JHY: variants seen among roughly 807,000 people sequenced by gnomAD.
The protein encoded by JHY is junctional cadherin complex regulator.
In JHY, 69 loss-of-function variants were observed where a neutral mutation model predicts 78.0. The ratio of observed to expected loss-of-function variants is 0.88; its 90% CI spans 0.73 to 1.08. The LOEUF is 1.08. Among genes scored for constraint, JHY ranks in the 50% least tolerant of loss-of-function variants. The pLI, the probability that JHY is intolerant of heterozygous loss-of-function variation, is 0.00. For synonymous variants in JHY, 368 were observed against 342.6 expected (o/e 1.07, Z -0.82); for missense variants, 944 against 927.8 (o/e 1.02, Z -0.23).
chr11:122,897,283 G>C (rs115582571), intron 2 of JHY, among the ~76,000 whole-genome samples: 2,579 of 151,992 alleles, frequency 0.017, 73 homozygotes, highest in African/African-American at 0.059. Context: ...GGAGTGCAGT[G>C]GCACAGTCAT....
chr11:122,958,002 AGTT>A (rs1326520440), intron 8 of JHY, among the ~76,000 whole-genome samples: 3 of 152,214 alleles, frequency 2.0e-5, no homozygotes, highest in Non-Finnish European at 4.4e-5. Flanking sequence ...GCTTTAAGGC[AGTT>A]GTTGTCTTCT....
Position 122,957,460 on chromosome 11 carries a change from C to T in JHY, c.2108C>T (p.Thr703Ile). Residue 703 changes from threonine to isoleucine, a missense_variant, in exon 8 of 9, where the codon ACT (threonine) becomes ATT (isoleucine). Transcript: ENST00000227349. ...SILSKPQTEK[T>I]QKKSAIPRQK... The stretch of plus-strand genomic sequence containing the variant: ...CTATCAAAACCACAAACAGAAAAAA[C>T]TCAAAAGAAATCTGCTATCCCTCGG... The T allele has an allele frequency of 2.0e-6, 3 of 1,525,006 alleles. No individual in the cohort carries two copies. The highest frequency in any genetic ancestry group is 2.6e-6 in the Non-Finnish European group (3 of 1,145,752). 94.5% of individuals were successfully genotyped at this position (1,525,006 alleles called of 1,614,324 possible). A position where few individuals can be genotyped will look rare whatever the true frequency, so the allele number is the denominator to read the frequency against.
rs562971455 is a variant in JHY at position 122,903,164 on chromosome 11, C to T, written c.345-761C>T. ...GACCTCAGTCGTATATGTGGCTTGT[C>T]CTTGACCAGAACATTGTTAGTCAGT... On this transcript the variant is annotated intron_variant, in intron 2 of 8. Transcript: ENST00000227349. Among the ~76,000 whole-genome samples, 82 of 152,324 alleles carry T rather than the reference C, an allele frequency of 5.4e-4. 1 individual carries two copies. In the South Asian group the frequency reaches 0.016, roughly 29 times the overall value.
In JHY at chr11:122,959,647, T is replaced by A. The variant is rs1160081222; in HGVS notation, c.*202T>A. On this transcript the variant is annotated 3_prime_UTR_variant, in exon 9 of 9. Coordinates refer to ENST00000227349, the MANE Select transcript of JHY (RefSeq NM_024806.4). The stretch of plus-strand genomic sequence containing the variant: ...TTTACTTTCTAGGAAGAAAATTTTT[T>A]AAATTATTTATTTTCAAATCAGTTA... 3.7e-6 allele frequency: 2 copies of A among 540,042 alleles called. No homozygotes were observed. Among genetic ancestry groups the A allele is most frequent in the Non-Finnish European group, 6.5e-6 (2 of 309,666 alleles). The allele number at this position is 540,042 out of a possible 1,614,324, so 33.5% of individuals were successfully genotyped here. A position where few individuals can be genotyped will look rare whatever the true frequency, so the allele number is the denominator to read the frequency against.
chr11:122,899,801 G>A (rs767063839), intron 2 of JHY, among the ~76,000 whole-genome samples: 4 of 152,174 alleles, frequency 2.6e-5, no homozygotes, highest in African/African-American at 4.8e-5. Flanking sequence ...AATTTATCCC[G>A]ATTTATAGAT....
Position 122,957,400 on chromosome 11 carries a change from A to G in JHY, c.2048A>G (p.Gln683Arg). The G allele has an allele frequency of 6.5e-7, 1 of 1,534,154 alleles. No individual in the cohort carries two copies. Among genetic ancestry groups the G allele is most frequent in the Non-Finnish European group, 8.7e-7 (1 of 1,153,366 alleles). ...ATACAGCAAAAGGAATATGCAAAAC[A>G]AGTCAAGGAGTACAACATGAAGACA... ...KLIQQKEYAK[Q>R]VKEYNMKTLS... Residue 683 changes from glutamine to arginine, a missense_variant, in exon 8 of 9, where the codon CAA becomes CGA. Transcript: ENST00000227349.
At chr11:122,894,638 C>A (rs1224625666) in intron 2 of JHY, among the ~76,000 whole-genome samples, 2 of 152,166 alleles carry the variant, frequency 1.3e-5, no homozygotes, top group Non-Finnish European at 2.9e-5. Flanking sequence ...ATTGCAATTA[C>A]AAACATGTCT....
intron 6 of JHY, among the ~76,000 whole-genome samples, chr11:122,949,690 T>G (rs1864044681): frequency 6.6e-6 from 1 of 152,030 alleles, no homozygotes; most frequent in Admixed American, 6.6e-5. Context: ...TCATTCCAAC[T>G]TCACGCTCTC....
In JHY at chr11:122,883,297, G is replaced by A. The variant is rs575515968; in HGVS notation, c.-90+325G>A. Among the ~76,000 whole-genome samples the A allele has an allele frequency of 6.6e-6, 1 of 152,164 alleles. No homozygotes were observed. Among genetic ancestry groups the A allele is most frequent in the African/African-American group, 2.4e-5 (1 of 41,450 alleles). On this transcript the variant is annotated intron_variant, in intron 1 of 8. Transcript: ENST00000227349. This position sits in a 1 kb window ranked among gnomAD's most constrained non-coding sequence, Gnocchi z 4.4. ...CCCTTGTGACAGGCCTTGTTCCTCA[G>A]GAACAAGCAAAGGTAGAAAACCGAA...
chr11:122,919,526 T>A (rs1322892204), intron 3 of JHY, among the ~76,000 whole-genome samples: 1 of 151,796 alleles, frequency 6.6e-6, no homozygotes, highest in Non-Finnish European at 1.5e-5. Context: ...GCTGAAGAAG[T>A]AGACAGGAAC....
chr11:122,948,913 G>A (rs977632322), intron 6 of JHY, among the ~76,000 whole-genome samples: 3 of 151,966 alleles, frequency 2.0e-5, no homozygotes, highest in Admixed American at 1.3e-4. Context: ...GTGAAACCCC[G>A]TCTGTACTAA....
Position 122,904,000 on chromosome 11 carries a change from G to A in JHY, c.420G>A (p.Gln140=). The A allele has an allele frequency of 6.2e-7, 1 of 1,614,122 alleles. No homozygotes were observed. The highest frequency in any genetic ancestry group is 8.5e-7 in the Non-Finnish European group (1 of 1,179,978). ...GGAAGAGTAAGAAGGAGGAAGGGCA[G>A]CTGCTGTCTGTGGAAGCGTTGCCGG... ...PNWKSKKEEG[Q]LLSVEALPES... The change falls in exon 3 of 9, where the codon CAG becomes CAA. Residue 140 remains glutamine, a synonymous_variant. Transcript: ENST00000227349.
intron 4 of JHY, among the ~76,000 whole-genome samples, chr11:122,926,133 A>G (rs1331338451): frequency 6.8e-6 from 1 of 147,396 alleles, no homozygotes; most frequent in East Asian, 2.0e-4. Flanking sequence ...AGTTGCAGTG[A>G]GCCAAGATTG....
intron 5 of JHY, among the ~76,000 whole-genome samples, chr11:122,936,452 A>G (rs928781032): frequency 3.3e-5 from 5 of 152,082 alleles, no homozygotes; most frequent in African/African-American, 1.2e-4. Context: ...GATTTTAGAA[A>G]GATTGTTTCT....
At chr11:122,899,679 T>C (rs1178052159) in intron 2 of JHY, among the ~76,000 whole-genome samples, 1 of 152,216 alleles carries the variant, frequency 6.6e-6, no homozygotes, top group East Asian at 1.9e-4. Flanking sequence ...ATTTGTCTAG[T>C]GAGGAGACAA....
chr11:122,889,890 C>T (rs1047254620), intron 2 of JHY, among the ~76,000 whole-genome samples: 6 of 152,050 alleles, frequency 3.9e-5, no homozygotes, highest in Admixed American at 3.3e-4. Flanking sequence ...TCCCGAGTAG[C>T]GTGCGCCACA....
Position 122,960,116 on chromosome 11 carries a change from T to A in JHY, c.*671T>A, listed in dbSNP as rs1054549541. Among the ~76,000 whole-genome samples, 1 of 151,868 alleles carries A rather than the reference T, an allele frequency of 6.6e-6. No individual in the cohort carries two copies. The highest frequency in any genetic ancestry group is 2.4e-5 in the African/African-American group (1 of 41,358). On this transcript the variant is annotated 3_prime_UTR_variant, in exon 9 of 9. Transcript: ENST00000227349. ...AGGCGTGGTGGCGCATGTCTATAGT[T>A]CCAGGTACTCAGGAGGCTGAGGCAC...
In JHY at chr11:122,934,601, G is replaced by A; in HGVS notation, c.1160G>A (p.Ser387Asn). 1.2e-6 allele frequency: 2 copies of A among 1,614,118 alleles called. No homozygotes were observed. Among genetic ancestry groups the A allele is most frequent in the Non-Finnish European group, 1.7e-6 (2 of 1,180,032 alleles). Residue 387 changes from serine to asparagine, a missense_variant, in exon 5 of 9, where the codon AGT becomes AAT. Coordinates refer to ENST00000227349, the MANE Select transcript of JHY (RefSeq NM_024806.4). ...KSSTTEEVTA[S>N]QGNQNNPPRQ... ...TCCACAACGGAAGAGGTGACTGCCA[G>A]TCAGGGGAACCAGAATAACCCTCCC...
chr11:122,926,515 TA>T (rs1863510875), intron 4 of JHY, among the ~76,000 whole-genome samples: 1 of 152,070 alleles, frequency 6.6e-6, no homozygotes, highest in Non-Finnish European at 1.5e-5. Context: ...AAAAAAGAAA[TA>T]AAAAGTCATT....
Sources: gnomAD v4.1 joint callset for allele counts (sites outside exome capture counted in the v4.1 genomes callset) on GRCh38, gnomAD v4.1.1 for gene constraint, Gnocchi (gnomAD v3.1) non-coding constraint, MANE v1.5 for transcripts, NCBI Gene and HGNC (gene_info 2026-07-23, HGNC 2026-07-21) for gene names.